Variants in RFX3 observed in about 807,000 individuals in gnomAD.
RFX3 encodes regulatory factor X3.
Under a neutral mutation model 98.6 loss-of-function variants are expected in RFX3, and 14 were observed. The observed-to-expected ratio is 0.14, with a 90% confidence interval of 0.09 to 0.22. The LOEUF is 0.22. Ranked by LOEUF, RFX3 falls within the 10% of genes least tolerant of loss-of-function variation. The probability of loss-of-function intolerance (pLI) is 1.00; values close to 1 mark genes in which losing one functional copy is unlikely to be tolerated. For missense variants in RFX3, 639 were observed against 926.9 expected (o/e 0.69, Z 4.03); for synonymous variants, 383 against 328.4 (o/e 1.17, Z -1.80).
At chr9:3,478,551 C>A (rs185285754) in intron 1 of RFX3, among the ~76,000 whole-genome samples, 3 of 151,906 alleles carry the variant, frequency 2.0e-5, no homozygotes, top group African/African-American at 7.3e-5. Context: ...ATGTCTTCTA[C>A]CTTTTGCCAA....
intron 3 of RFX3, among the ~76,000 whole-genome samples, chr9:3,332,441 T>G (rs931240163): frequency 3.3e-5 from 5 of 152,196 alleles, no homozygotes; most frequent in African/African-American, 1.2e-4. Context: ...ATGTTGCTGC[T>G]CAAAAACTTT....
At chr9:3,225,607 A>T (rs569086290) in intron 16 of RFX3, among the ~76,000 whole-genome samples, 24 of 152,328 alleles carry the variant, frequency 1.6e-4, no homozygotes, top group African/African-American at 5.8e-4. Context: ...GTCATAATAA[A>T]ATAGTCACTT....
At chr9:3,294,379 A>G (rs978546995) in intron 5 of RFX3, among the ~76,000 whole-genome samples, 8 of 152,150 alleles carry the variant, frequency 5.3e-5, no homozygotes, top group Non-Finnish European at 1.0e-4. Context: ...TCAAGTTATT[A>G]TAAATTATAG....
intron 4 of RFX3, among the ~76,000 whole-genome samples, chr9:3,310,105 C>A (rs1586980730): frequency 1.3e-5 from 2 of 152,258 alleles, no homozygotes; most frequent in South Asian, 2.1e-4. Flanking sequence ...TACAAGTAAT[C>A]GAGACTGGCT....
chr9:3,443,763 T>G (rs976260511), intron 1 of RFX3, among the ~76,000 whole-genome samples: 3 of 152,170 alleles, frequency 2.0e-5, no homozygotes, highest in African/African-American at 7.2e-5. Context: ...TGCCTCTAAG[T>G]CTTTGAGGAA....
chr9:3,428,185 G>T (rs972323430), intron 1 of RFX3, among the ~76,000 whole-genome samples: 5 of 152,078 alleles, frequency 3.3e-5, no homozygotes, highest in African/African-American at 7.2e-5. Flanking sequence ...ATTACATCAA[G>T]GCATTACATC....
intron 8 of RFX3, among the ~76,000 whole-genome samples, chr9:3,276,888 C>A (rs1048185540): frequency 6.6e-6 from 1 of 151,796 alleles, no homozygotes; most frequent in African/African-American, 2.4e-5. Flanking sequence ...CTATAAATTA[C>A]AAAAATAGAA....
chr9:3,252,804 A>G (rs765126345), intron 14 of RFX3, among the ~76,000 whole-genome samples: 16 of 152,216 alleles, frequency 1.1e-4, no homozygotes, highest in Non-Finnish European at 1.5e-4. Context: ...AAGTTTAAAA[A>G]AAAATTTATT....
chr9:3,385,702 AAAG>A (rs1485451152), intron 2 of RFX3, among the ~76,000 whole-genome samples: 1,212 of 92,850 alleles, frequency 0.013, 11 homozygotes, highest in African/African-American at 0.029. Context: ...AAAAAAAAAA[AAAG>A]AAAAGAAAAG....
intron 2 of RFX3, among the ~76,000 whole-genome samples, chr9:3,369,663 A>C (rs986164878): frequency 1.3e-5 from 2 of 152,228 alleles, no homozygotes; most frequent in African/African-American, 4.8e-5. Flanking sequence ...CACTGACAAC[A>C]AATCAGATAA....
intron 1 of RFX3, among the ~76,000 whole-genome samples, chr9:3,408,323 C>A (rs1268668141): frequency 6.6e-6 from 1 of 152,124 alleles, no homozygotes; most frequent in Non-Finnish European, 1.5e-5. Flanking sequence ...CCATAGCAAT[C>A]CCATAGGTAA....
At chr9:3,449,956 G>C (rs1313103770) in intron 1 of RFX3, among the ~76,000 whole-genome samples, 2 of 151,140 alleles carry the variant, frequency 1.3e-5, no homozygotes, top group Admixed American at 6.6e-5. Context: ...TCGTAGCCCA[G>C]GATAAAAACA....
chr9:3,347,080 G>A (rs1350417862), intron 2 of RFX3, among the ~76,000 whole-genome samples: 1 of 152,116 alleles, frequency 6.6e-6, no homozygotes, highest in African/African-American at 2.4e-5. Flanking sequence ...TAGCACTCTA[G>A]GAGGCCAAAG....
At chr9:3,282,245 C>T (rs143260080) in intron 7 of RFX3, among the ~76,000 whole-genome samples, 1 of 151,868 alleles carries the variant, frequency 6.6e-6, no homozygotes, top group East Asian at 1.9e-4. Context: ...AAGAGTTCCA[C>T]TCTTTTAGAA....
chr9:3,312,706 CAGG>C (rs1353091399), intron 4 of RFX3, among the ~76,000 whole-genome samples: 3 of 152,156 alleles, frequency 2.0e-5, no homozygotes, highest in African/African-American at 7.2e-5. Context: ...AACAGCACAC[CAGG>C]AGATTATATC....
chr9:3,316,675 A>C (rs931878462), intron 4 of RFX3, among the ~76,000 whole-genome samples: 2 of 152,232 alleles, frequency 1.3e-5, no homozygotes, highest in Non-Finnish European at 2.9e-5. Context: ...AACTTCAGCA[A>C]AGTCTCAGGC....
At chr9:3,480,393 A>C (rs1023419681) in intron 1 of RFX3, among the ~76,000 whole-genome samples, 5 of 152,212 alleles carry the variant, frequency 3.3e-5, no homozygotes, top group Non-Finnish European at 4.4e-5. Flanking sequence ...CAAAAGCATA[A>C]GTTGTCGGGC....
At chr9:3,259,645 C>A (rs1822601248) in intron 13 of RFX3, among the ~76,000 whole-genome samples, 3 of 151,730 alleles carry the variant, frequency 2.0e-5, no homozygotes. Context: ...TAATGTAGAT[C>A]TCAAAAACCA....
chr9:3,285,525 C>T (rs1826478388), intron 7 of RFX3, among the ~76,000 whole-genome samples: 1 of 151,744 alleles, frequency 6.6e-6, no homozygotes, highest in African/African-American at 2.4e-5. Context: ...TCAGTTAAGG[C>T]TTATCAATGT....
Sources: allele counts gnomAD v4.1 joint callset (sites outside exome capture counted in the v4.1 genomes callset), GRCh38; gene constraint gnomAD v4.1.1; transcripts MANE v1.5; gene names NCBI Gene and HGNC (gene_info 2026-07-23, HGNC 2026-07-21).